SOX5: variants seen among roughly 807,000 people sequenced by gnomAD.
SOX5 encodes SRY-box transcription factor 5, also known as transcription factor SOX-5.
A neutral mutation model predicts 92.0 loss-of-function variants in SOX5; 9 were observed. The ratio of observed to expected loss-of-function variants is 0.10; its 90% CI spans 0.06 to 0.17. The LOEUF is 0.17. SOX5 is among the 10% of genes least tolerant of loss of function. SOX5 has a pLI of 1.00. For synonymous variants in SOX5, 344 were observed against 336.3 expected (o/e 1.02, Z -0.25); for missense variants, 642 against 944.5 (o/e 0.68, Z 4.20).
chr12:24,233,244 A>C (rs1260158013), intron 3 of SOX5, among the ~76,000 whole-genome samples: 1 of 152,230 alleles, frequency 6.6e-6, no homozygotes, highest in African/African-American at 2.4e-5. Flanking sequence ...AAGGGTTAAA[A>C]ACTTTAGAGA....
chr12:23,811,760 G>A (rs1002835906), intron 3 of SOX5, among the ~76,000 whole-genome samples: 3 of 152,032 alleles, frequency 2.0e-5, no homozygotes, highest in Non-Finnish European at 4.4e-5. Context: ...TACTTTATGG[G>A]AAAGCCAAGT....
In SOX5 at chr12:23,945,944, G is replaced by A. The variant is rs540125848; in HGVS notation, c.38+3620C>T. 5.3e-5 allele frequency among the ~76,000 whole-genome samples: 8 copies of A among 152,252 alleles called. 1 individual carries two copies. In the South Asian group the frequency reaches 1.5e-3, roughly 28 times the overall value. Reference sequence around the variant, plus strand: ...ACTAAAATACCACTAATGTCAGAGAGTAGTTTTCTGCAAATGTCTAGCAGT... The same window carrying A: ...ACTAAAATACCACTAATGTCAGAGAATAGTTTTCTGCAAATGTCTAGCAGT... On this transcript the variant is annotated intron_variant, in intron 1 of 14. Coordinates refer to ENST00000451604, the MANE Select transcript of SOX5 (RefSeq NM_006940.6).
chr12:24,424,808 T>TGGGG (rs60026658), intron 1 of SOX5, among the ~76,000 whole-genome samples: 9 of 138,434 alleles, frequency 6.5e-5, no homozygotes, highest in Non-Finnish European at 9.2e-5. Flanking sequence ...GTTTTTTTTT[T>TGGGG]GGGGGGGGGG....
At chr12:23,804,733 G>C (rs1456986215) in intron 3 of SOX5, among the ~76,000 whole-genome samples, 1 of 151,494 alleles carries the variant, frequency 6.6e-6, no homozygotes, top group African/African-American at 2.4e-5. Context: ...GTCCTCCCCT[G>C]ATGGAACTAC....
chr12:23,598,147 C>T (rs1319189401), intron 9 of SOX5, among the ~76,000 whole-genome samples: 1 of 152,142 alleles, frequency 6.6e-6, no homozygotes, highest in Non-Finnish European at 1.5e-5. Flanking sequence ...ACCTGAAAAG[C>T]TCTCAGAGTA....
intron 3 of SOX5, among the ~76,000 whole-genome samples, chr12:23,766,571 C>A (rs1044051110): frequency 2.6e-5 from 4 of 152,044 alleles, no homozygotes; most frequent in Non-Finnish European, 5.9e-5. Context: ...ATAAAAGCAT[C>A]ATAACAAATA....
intron 3 of SOX5, among the ~76,000 whole-genome samples, chr12:23,779,814 T>TATATATATATATACACACAC (rs777013504): frequency 7.2e-5 from 8 of 110,812 alleles, no homozygotes; most frequent in African/African-American, 3.0e-4. Flanking sequence ...TATATATATA[T>TATATATATATATACACACAC]ACACACACAC....
At chr12:24,035,940 A>C (rs1955989577) in intron 4 of SOX5, among the ~76,000 whole-genome samples, 1 of 152,078 alleles carries the variant, frequency 6.6e-6, no homozygotes, top group African/African-American at 2.4e-5. Context: ...AGAAATGATC[A>C]AATTTAAAAT....
chr12:24,054,316 G>T (rs1318933709), intron 4 of SOX5, among the ~76,000 whole-genome samples: 1 of 152,130 alleles, frequency 6.6e-6, no homozygotes, highest in Admixed American at 6.5e-5. Context: ...ATCTTCCTCA[G>T]AGAACAGTTT....
chr12:23,538,870 G>T (rs1037288729), intron 13 of SOX5, among the ~76,000 whole-genome samples: 1 of 141,742 alleles, frequency 7.1e-6, no homozygotes, highest in Non-Finnish European at 1.5e-5. Context: ...GTGTGATCTC[G>T]GCTCACTGCA....
chr12:23,910,759 G>A (rs1158808740), intron 1 of SOX5, among the ~76,000 whole-genome samples: 1 of 152,098 alleles, frequency 6.6e-6, no homozygotes, highest in African/African-American at 2.4e-5. Flanking sequence ...TCCTGTCAGT[G>A]ATCTAAAGGG....
At chr12:24,044,429 G>T (rs1339825127) in intron 4 of SOX5, among the ~76,000 whole-genome samples, 1 of 152,174 alleles carries the variant, frequency 6.6e-6, no homozygotes, top group Non-Finnish European at 1.5e-5. Context: ...AGAAGACAGT[G>T]AATTAAGACT....
chr12:23,988,790 G>T (rs560564954), intron 4 of SOX5, among the ~76,000 whole-genome samples: 115 of 152,192 alleles, frequency 7.6e-4, no homozygotes, highest in South Asian at 2.3e-3. Context: ...GGGACTGATG[G>T]GTTGGCAGGC....
At chr12:23,668,056 A>G (rs958426826) in intron 6 of SOX5, among the ~76,000 whole-genome samples, 4 of 152,316 alleles carry the variant, frequency 2.6e-5, no homozygotes, top group African/African-American at 9.6e-5. Flanking sequence ...TTTTGTTTAA[A>G]AAGCTCCCAA....
intron 4 of SOX5, among the ~76,000 whole-genome samples, chr12:23,964,382 A>G (rs916045422): frequency 6.6e-6 from 1 of 152,098 alleles, no homozygotes; most frequent in Non-Finnish European, 1.5e-5. Flanking sequence ...TATCCCCTTC[A>G]TTTACTTTGC....
intron 3 of SOX5, among the ~76,000 whole-genome samples, chr12:23,842,431 T>C (rs746192773): frequency 6.6e-6 from 1 of 152,116 alleles, no homozygotes; most frequent in Admixed American, 6.6e-5. Flanking sequence ...TATATACATA[T>C]ATAGGTTAGT....
intron 5 of SOX5, among the ~76,000 whole-genome samples, chr12:23,740,334 T>C (rs1372488738): frequency 6.6e-6 from 1 of 152,230 alleles, no homozygotes. Context: ...CAAAGAATTC[T>C]ACTAACCATA....
At chr12:24,404,278 A>G (rs1489777347) in intron 1 of SOX5, among the ~76,000 whole-genome samples, 1 of 152,178 alleles carries the variant, frequency 6.6e-6, no homozygotes, top group Non-Finnish European at 1.5e-5. Context: ...TTTAGATAGG[A>G]ATATAGGTCA....
At chr12:24,077,750 ACTTCT>A (rs1193590579) in intron 4 of SOX5, among the ~76,000 whole-genome samples, 2 of 142,214 alleles carry the variant, frequency 1.4e-5, no homozygotes, top group African/African-American at 5.1e-5. Flanking sequence ...ACAAGGTGGT[ACTTCT>A]CTTCGAAAGG....
Sources: gnomAD v4.1 joint callset for allele counts (sites outside exome capture counted in the v4.1 genomes callset) on GRCh38, gnomAD v4.1.1 for gene constraint, MANE v1.5 for transcripts, NCBI Gene and HGNC (gene_info 2026-07-23, HGNC 2026-07-21) for gene names.